The following KCNC2 variants were observed in gnomAD, a reference collection of about 807,000 sequenced individuals.
KCNC2 encodes the protein voltage-gated potassium channel KCNC2.
In KCNC2, 21 loss-of-function variants were observed where a neutral mutation model predicts 44.5. The ratio of observed to expected loss-of-function variants is 0.47; its 90% CI spans 0.33 to 0.68. The LOEUF (loss-of-function observed/expected upper bound fraction) is 0.68. Ranked by LOEUF, KCNC2 falls within the 30% of genes least tolerant of loss-of-function variation. The pLI is 0.01. For synonymous variants in KCNC2, 391 were observed against 339.1 expected (o/e 1.15, Z -1.68); for missense variants, 589 against 826.2 (o/e 0.71, Z 3.52).
intron 2 of KCNC2, among the ~76,000 whole-genome samples, chr12:75,185,154 A>T (rs888427352): frequency 6.6e-6 from 1 of 152,262 alleles, no homozygotes; most frequent in Non-Finnish European, 1.5e-5. Flanking sequence ...TGCAATTCTT[A>T]ATAGAAATAG....
chr12:75,081,925 G>A (rs1402583347), intron 2 of KCNC2, among the ~76,000 whole-genome samples: 28 of 151,910 alleles, frequency 1.8e-4, no homozygotes, highest in Admixed American at 1.6e-3. Context: ...CTCATACCAA[G>A]AGTCTTCAAA....
intron 2 of KCNC2, among the ~76,000 whole-genome samples, chr12:75,161,759 A>G (rs1017310240): frequency 1.3e-5 from 2 of 151,678 alleles, no homozygotes; most frequent in African/African-American, 4.8e-5. Flanking sequence ...TAACTAGGAA[A>G]TATATATTTA....
chr12:75,083,358 C>T (rs565910221), intron 2 of KCNC2, among the ~76,000 whole-genome samples: 56 of 151,922 alleles, frequency 3.7e-4, no homozygotes, highest in African/African-American at 1.3e-3. Context: ...TCCAGATTTA[C>T]ATAAAAACTC....
chr12:75,060,969 A>G (rs936841322), intron 2 of KCNC2, among the ~76,000 whole-genome samples: 2 of 152,164 alleles, frequency 1.3e-5, no homozygotes, highest in Non-Finnish European at 2.9e-5. Context: ...TCAACTCAGT[A>G]ATCACACAGT....
At chr12:75,187,590 C>G (rs1463509) in intron 2 of KCNC2, among the ~76,000 whole-genome samples, 1 of 151,950 alleles carries the variant, frequency 6.6e-6, no homozygotes, top group South Asian at 2.1e-4. Context: ...AGAGATATAG[C>G]GAAGGCCAAA....
chr12:75,136,554 C>T (rs1259568994), intron 2 of KCNC2, among the ~76,000 whole-genome samples: 1 of 151,954 alleles, frequency 6.6e-6, no homozygotes, highest in Admixed American at 6.6e-5. Flanking sequence ...ACTACGCTCA[C>T]CAGCTAGAAA....
At chr12:75,126,965 A>G (rs2137316711) in intron 2 of KCNC2, among the ~76,000 whole-genome samples, 1 of 152,258 alleles carries the variant, frequency 6.6e-6, no homozygotes, top group South Asian at 2.1e-4. Context: ...ATAATCGAAA[A>G]GCTTCGAGCT....
chr12:75,144,547 A>G (rs1267748923), intron 2 of KCNC2, among the ~76,000 whole-genome samples: 1 of 152,086 alleles, frequency 6.6e-6, no homozygotes, highest in Non-Finnish European at 1.5e-5. Context: ...AGAGTTTGAG[A>G]CCAGCCTAGG....
chr12:75,095,171 AT>A (rs1190336121), intron 2 of KCNC2, among the ~76,000 whole-genome samples: 1 of 151,826 alleles, frequency 6.6e-6, no homozygotes, highest in African/African-American at 2.4e-5. Flanking sequence ...TTTACAGCTG[AT>A]TATTAGTACA....
At position 75,172,001 on chromosome 12, in the gene KCNC2, C is replaced by G. The variant is rs116546760; in HGVS notation, c.687+35296G>C. On this transcript the variant is annotated intron_variant, in intron 2 of 4. Transcript: ENST00000549446. ...ACCTGCATATACTGCACATATACCC[C>G]TGAACTTAAAAGCTGAAGAAAAATA... Among the ~76,000 whole-genome samples, 1,121 of 151,778 alleles carry G rather than the reference C, an allele frequency of 7.4e-3. 13 individuals are homozygous for G. Among genetic ancestry groups the G allele is most frequent in the African/African-American group, 0.025 (1,032 of 41,446 alleles).
At chr12:75,046,413 A>T (rs184997925) in intron 4 of KCNC2, among the ~76,000 whole-genome samples, 2 of 151,738 alleles carry the variant, frequency 1.3e-5, no homozygotes, top group Non-Finnish European at 1.5e-5. Context: ...AACTCAAAAC[A>T]TTGTCTAACA....
At chr12:75,113,401 A>G (rs1887401605) in intron 2 of KCNC2, among the ~76,000 whole-genome samples, 1 of 152,220 alleles carries the variant, frequency 6.6e-6, no homozygotes, top group Admixed American at 6.5e-5. Flanking sequence ...GTTTCTGACC[A>G]TTAGAACTTT....
intron 2 of KCNC2, among the ~76,000 whole-genome samples, chr12:75,102,674 C>T (rs1320685221): frequency 6.6e-6 from 1 of 151,948 alleles, no homozygotes; most frequent in Non-Finnish European, 1.5e-5. Flanking sequence ...AATTCCTAAT[C>T]ATTTATGTTT....
intron 2 of KCNC2, among the ~76,000 whole-genome samples, chr12:75,166,734 A>G (rs1483202266): frequency 6.6e-6 from 1 of 151,124 alleles, no homozygotes; most frequent in African/African-American, 2.4e-5. Flanking sequence ...AAGATGTTAT[A>G]AAAGAAATTA....
chr12:75,096,744 A>G (rs1885955372), intron 2 of KCNC2, among the ~76,000 whole-genome samples: 1 of 152,096 alleles, frequency 6.6e-6, no homozygotes, highest in Admixed American at 6.6e-5. Context: ...GCTTATTCAT[A>G]TTTAATCAGT....
chr12:75,077,748 G>A (rs1329711871), intron 2 of KCNC2, among the ~76,000 whole-genome samples: 5 of 152,016 alleles, frequency 3.3e-5, no homozygotes, highest in Non-Finnish European at 7.4e-5. Flanking sequence ...CCTAAGTTAC[G>A]ATAGCGTAAA....
chr12:75,185,190 T>C (rs11180393), intron 2 of KCNC2, among the ~76,000 whole-genome samples: 21,904 of 152,228 alleles, frequency 0.14, 2,012 homozygotes, highest in Admixed American at 0.26. Context: ...AATTAGGTAG[T>C]AGAGTATGGA....
chr12:75,086,699 T>TATACAC (rs1339170718), intron 2 of KCNC2, among the ~76,000 whole-genome samples: 88 of 138,824 alleles, frequency 6.3e-4, no homozygotes, highest in African/African-American at 2.3e-3. Context: ...TATATATATA[T>TATACAC]ACACACACAT....
intron 2 of KCNC2, among the ~76,000 whole-genome samples, chr12:75,073,405 T>G (rs1592808198): frequency 6.6e-6 from 1 of 152,174 alleles, no homozygotes; most frequent in Non-Finnish European, 1.5e-5. Context: ...CCAGTTTTCT[T>G]TGTAATTTTG....
Sources: allele counts gnomAD v4.1 joint callset (sites outside exome capture counted in the v4.1 genomes callset), GRCh38; gene constraint gnomAD v4.1.1; transcripts MANE v1.5; gene names NCBI Gene and HGNC (gene_info 2026-07-23, HGNC 2026-07-21).